Variants in RBFOX1 observed in about 807,000 individuals in gnomAD.
The protein encoded by RBFOX1 is RNA binding fox-1 homolog 1, also known as RNA binding protein fox-1 homolog 1.
In RBFOX1, 8 loss-of-function variants were observed where a neutral mutation model predicts 57.7. The ratio of observed to expected loss-of-function variants is 0.14; its 90% CI spans 0.08 to 0.25. The LOEUF is 0.25. RBFOX1 is among the 10% of genes least tolerant of loss of function. The pLI, the probability that RBFOX1 is intolerant of heterozygous loss-of-function variation, is 1.00. For synonymous variants in RBFOX1, 326 were observed against 222.4 expected, an observed-to-expected ratio of 1.47 and a Z score of -4.15; for missense variants, 611 against 548.5, an observed-to-expected ratio of 1.11 and a Z score of -1.14.
intron 4 of RBFOX1, among the ~76,000 whole-genome samples, chr16:7,092,443 T>A (rs2061013078): frequency 6.6e-6 from 1 of 152,242 alleles, no homozygotes; most frequent in African/African-American, 2.4e-5. Context: ...CTTTTATCAC[T>A]TAACATTTTG....
At chr16:6,961,861 C>A (rs559486627) in intron 3 of RBFOX1, among the ~76,000 whole-genome samples, 78 of 152,230 alleles carry the variant, frequency 5.1e-4, no homozygotes, top group Non-Finnish European at 7.2e-4. Context: ...TCCTTGCCAT[C>A]CTGGTTTGGG....
chr16:7,704,854 C>A (rs2148371460), intron 14 of RBFOX1, among the ~76,000 whole-genome samples: 1 of 150,754 alleles, frequency 6.6e-6, no homozygotes, highest in African/African-American at 2.4e-5. Flanking sequence ...AGTTTGAGAC[C>A]AGCCTGGGCA....
intron 2 of RBFOX1, among the ~76,000 whole-genome samples, chr16:6,644,311 C>G (rs908703990): frequency 7.2e-5 from 11 of 152,208 alleles, no homozygotes; most frequent in Admixed American, 6.5e-4. Flanking sequence ...AATGTTGAGT[C>G]AAGATTTAAA....
chr16:5,557,285 A>G (rs2045716052), intron 2 of RBFOX1, among the ~76,000 whole-genome samples: 1 of 144,924 alleles, frequency 6.9e-6, no homozygotes, highest in Non-Finnish European at 1.6e-5. Context: ...AAATAAATAA[A>G]TAAATAAATA....
At chr16:6,134,831 C>G (rs527724611) in intron 1 of RBFOX1, among the ~76,000 whole-genome samples, 49 of 133,446 alleles carry the variant, frequency 3.7e-4, no homozygotes, top group African/African-American at 1.4e-3. Context: ...TAGCATCTTA[C>G]CCCAGGCAGG....
At chr16:5,999,891 AAAAAAAAAAAAAAAAAGAG>A (rs1567239086) in intron 4 of RBFOX1, among the ~76,000 whole-genome samples, 3 of 80,304 alleles carry the variant, frequency 3.7e-5, no homozygotes, top group Non-Finnish European at 5.7e-5. Context: ...AAAAAAAAAA[AAAAAAAAAAAAAAAAAGAG>A]TGAAGAAGGG....
intron 4 of RBFOX1, among the ~76,000 whole-genome samples, chr16:5,933,698 C>G (rs549210949): frequency 6.6e-6 from 1 of 151,970 alleles, no homozygotes; most frequent in East Asian, 1.9e-4. Flanking sequence ...CCCTGAAATA[C>G]TATGTAGAGT....
At chr16:6,137,062 A>T (rs1164321143) in intron 1 of RBFOX1, among the ~76,000 whole-genome samples, 3 of 152,226 alleles carry the variant, frequency 2.0e-5, no homozygotes, top group African/African-American at 7.2e-5. Context: ...GACGTTTTCA[A>T]GAATCTAATC....
At chr16:7,548,477 C>G (rs553616281) in intron 5 of RBFOX1, among the ~76,000 whole-genome samples, 12 of 152,288 alleles carry the variant, frequency 7.9e-5, no homozygotes, top group Admixed American at 2.0e-4. Context: ...GTTCTTTAAA[C>G]ATTTACATTT....
In RBFOX1 at chr16:6,720,456, G is replaced by A. The variant is rs77586325; in HGVS notation, c.-16+65806G>A. Among the ~76,000 whole-genome samples the A allele has an allele frequency of 2.0e-3, 306 of 152,178 alleles. 1 individual carries two copies. In the East Asian group the frequency reaches 0.037, roughly 19 times the overall value. The stretch of plus-strand genomic sequence containing the variant: ...CTCTCAGGTAGTTCTTTATAGCATT[G>A]CAAGAATGGACTCATACACGACCTA... On this transcript the variant is annotated intron_variant, in intron 3 of 15. Coordinates refer to ENST00000550418, the MANE Select transcript of RBFOX1 (RefSeq NM_018723.4).
chr16:7,703,254 C>T (rs376069527), intron 14 of RBFOX1, among the ~76,000 whole-genome samples: 24 of 152,280 alleles, frequency 1.6e-4, no homozygotes, highest in East Asian at 1.4e-3. Flanking sequence ...AGACCCGGGC[C>T]ATTCATTGAT....
At chr16:6,116,060 C>G (rs2096493135) in intron 1 of RBFOX1, among the ~76,000 whole-genome samples, 1 of 152,092 alleles carries the variant, frequency 6.6e-6, no homozygotes, top group Admixed American at 6.6e-5. Context: ...GAAAATGTGG[C>G]ACATATACAC....
At chr16:6,838,304 T>G (rs537075567) in intron 3 of RBFOX1, among the ~76,000 whole-genome samples, 1 of 152,210 alleles carries the variant, frequency 6.6e-6, no homozygotes, top group South Asian at 2.1e-4. Flanking sequence ...CTGTGATGGT[T>G]TGCTGAGAAT....
intron 2 of RBFOX1, among the ~76,000 whole-genome samples, chr16:6,605,854 C>G (rs1415923615): frequency 6.6e-6 from 1 of 152,176 alleles, no homozygotes; most frequent in East Asian, 1.9e-4. Flanking sequence ...AATCCCAGCA[C>G]TCTAGGAGTC....
At chr16:7,071,294 G>A (rs2057283951) in intron 4 of RBFOX1, among the ~76,000 whole-genome samples, 1 of 152,064 alleles carries the variant, frequency 6.6e-6, no homozygotes, top group African/African-American at 2.4e-5. Flanking sequence ...ATTCTGGTAG[G>A]TGGTGTGAAA....
chr16:5,392,796 C>G (rs1057075600), intron 1 of RBFOX1, among the ~76,000 whole-genome samples: 1 of 152,140 alleles, frequency 6.6e-6, no homozygotes, highest in Non-Finnish European at 1.5e-5. Context: ...GTTGTACACT[C>G]GCCCCTGACC....
intron 4 of RBFOX1, among the ~76,000 whole-genome samples, chr16:7,228,451 T>C (rs1486674481): frequency 1.3e-5 from 2 of 152,226 alleles, no homozygotes; most frequent in African/African-American, 2.4e-5. Flanking sequence ...GTACCTACTA[T>C]GTGGCTATTC....
At position 5,447,859 on chromosome 16, in the gene RBFOX1, C is replaced by T. The variant is rs74316034; in HGVS notation, c.220-19357C>T. Among the ~76,000 whole-genome samples, 207 of 152,338 alleles carry T rather than the reference C, an allele frequency of 1.4e-3. 5 individuals carry two copies. The East Asian group carries it at 0.036, about 26-fold the overall frequency. ...GATACCCATGGCCGAAAGTGGCCAC[C>T]ACCCCTGTTTCCTGTGACACTTTTC... On this transcript the variant is annotated intron_variant, in intron 1 of 2. Transcript: ENST00000585867.
chr16:6,203,130 A>T (rs1298330069), intron 1 of RBFOX1, among the ~76,000 whole-genome samples: 1 of 152,060 alleles, frequency 6.6e-6, no homozygotes, highest in African/African-American at 2.4e-5. Context: ...ATCCAGCCTC[A>T]TAGCAAATTT....
Sources: gnomAD v4.1 joint callset for allele counts (sites outside exome capture counted in the v4.1 genomes callset) on GRCh38, gnomAD v4.1.1 for gene constraint, MANE v1.5 for transcripts, NCBI Gene and HGNC (gene_info 2026-07-23, HGNC 2026-07-21) for gene names.